Variants in RGS6 observed in about 807,000 individuals in gnomAD.
RGS6 encodes regulator of G protein signaling 6, also known as regulator of G-protein signaling 6.
RGS6 carries 30 observed loss-of-function variants against 78.5 expected under a neutral mutation model. That is an observed-to-expected ratio of 0.38 (90% CI 0.29 to 0.52). The LOEUF is 0.52. Among genes scored for constraint, RGS6 ranks in the 20% least tolerant of loss-of-function variants. The pLI is 0.85. For missense variants in RGS6, 495 were observed against 609.7 expected (o/e 0.81, Z 1.98); for synonymous variants, 206 against 206.0 (o/e 1.00, Z 0.00).
At chr14:72,217,694 C>G (rs980064626) in intron 2 of RGS6, among the ~76,000 whole-genome samples, 14 of 152,164 alleles carry the variant, frequency 9.2e-5, no homozygotes. Flanking sequence ...AGCAACAATA[C>G]TGGTGAGCAT....
intron 2 of RGS6, among the ~76,000 whole-genome samples, chr14:72,122,619 T>A (rs1452777204): frequency 6.6e-6 from 1 of 152,174 alleles, no homozygotes; most frequent in African/African-American, 2.4e-5. Context: ...TCTAGGAATT[T>A]TGGTCCAGGG....
In RGS6 at chr14:72,393,430, C is replaced by A. The variant is rs73293060; in HGVS notation, c.184+41236C>A. The stretch of plus-strand genomic sequence containing the variant: ...AAGGCATCACCAGTTAGTAACGCAT[C>A]CCAGGTGATTCCAAGGTACAACCAG... On this transcript the variant is annotated intron_variant, in intron 3 of 17. Transcript: ENST00000553525. Among the ~76,000 whole-genome samples the A allele has an allele frequency of 3.7e-3, 568 of 152,270 alleles. 3 individuals carry two copies. The highest frequency in any genetic ancestry group is 0.013 in the African/African-American group (547 of 41,526).
At chr14:72,575,226 G>A in the RGS6 span, among the ~76,000 whole-genome samples, 2 of 152,202 alleles carry the variant, frequency 1.3e-5, no homozygotes, top group South Asian at 4.2e-4. Flanking sequence ...TGTGCCATGG[G>A]GTAGCTGGAC....
intron 9 of RGS6, among the ~76,000 whole-genome samples, chr14:72,474,248 C>T (rs2096172865): frequency 6.6e-6 from 1 of 152,158 alleles, no homozygotes; most frequent in African/African-American, 2.4e-5. Context: ...TATTGGTCTT[C>T]TTAAAATTTG....
the RGS6 span, among the ~76,000 whole-genome samples, chr14:72,585,664 AG>A: frequency 9.6e-4 from 146 of 152,350 alleles, 1 homozygote; most frequent in Middle Eastern, 0.01. Flanking sequence ...TCTTCAGCCA[AG>A]GGCAATTCTC....
chr14:72,433,537 A>G (rs2094754922), intron 3 of RGS6, among the ~76,000 whole-genome samples: 1 of 152,180 alleles, frequency 6.6e-6, no homozygotes. Context: ...CCAGAAAGTC[A>G]AGAAAAGCCT....
chr14:71,870,342 G>C, the RGS6 span, among the ~76,000 whole-genome samples: 1 of 152,206 alleles, frequency 6.6e-6, no homozygotes, highest in Non-Finnish European at 1.5e-5. Context: ...TTCAGCCTTA[G>C]TTAGGCTAAT....
chr14:72,101,075 C>T (rs2095518222), intron 2 of RGS6, among the ~76,000 whole-genome samples: 1 of 152,116 alleles, frequency 6.6e-6, no homozygotes, highest in Non-Finnish European at 1.5e-5. Context: ...GGGAGGATCA[C>T]CTGAGCCTGG....
intron 2 of RGS6, among the ~76,000 whole-genome samples, chr14:72,199,951 A>G (rs2041103640): frequency 6.6e-6 from 1 of 152,216 alleles, no homozygotes; most frequent in Admixed American, 6.5e-5. Flanking sequence ...AATCATTTCG[A>G]TAGAGATCCT....
chr14:71,920,479 C>T, the RGS6 span, among the ~76,000 whole-genome samples: 37 of 152,050 alleles, frequency 2.4e-4, no homozygotes, highest in African/African-American at 8.7e-4. Context: ...ATGATGGAGT[C>T]GAGGTCTACT....
chr14:72,400,947 C>G (rs1196913454), intron 3 of RGS6, among the ~76,000 whole-genome samples: 1 of 150,112 alleles, frequency 6.7e-6, no homozygotes, highest in Non-Finnish European at 1.5e-5. Flanking sequence ...AAGCCTTTCT[C>G]CACTGCTTCT....
intron 2 of RGS6, among the ~76,000 whole-genome samples, chr14:72,176,010 C>T (rs2097100648): frequency 6.6e-6 from 1 of 152,168 alleles, no homozygotes; most frequent in South Asian, 2.1e-4. Flanking sequence ...CATCTCAGAG[C>T]TTATTGGAAG....
intron 2 of RGS6, among the ~76,000 whole-genome samples, chr14:72,036,671 G>A (rs2091758616): frequency 1.3e-5 from 2 of 152,082 alleles, no homozygotes; most frequent in Admixed American, 1.3e-4. Context: ...AAATTGGACT[G>A]CTTGTTCTCT....
At chr14:72,304,891 T>TAAAATA (rs386381731) in intron 2 of RGS6, among the ~76,000 whole-genome samples, 1 of 151,680 alleles carries the variant, frequency 6.6e-6, no homozygotes, top group African/African-American at 2.4e-5. Context: ...AAAAATAAAA[T>TAAAATA]AAAAAAATTA....
intron 2 of RGS6, among the ~76,000 whole-genome samples, chr14:72,245,120 C>T (rs570861415): frequency 6.6e-6 from 1 of 152,206 alleles, no homozygotes; most frequent in Admixed American, 6.5e-5. Flanking sequence ...TTCTTTCTAC[C>T]TGTCTTAAGT....
chr14:71,931,201 C>G (rs865921223), upstream of RGS6, among the ~76,000 whole-genome samples: 2 of 152,074 alleles, frequency 1.3e-5, no homozygotes, highest in South Asian at 2.1e-4. Context: ...TGTTACAATT[C>G]TATTTTCCTC....
chr14:72,047,906 T>G (rs927855571), intron 2 of RGS6, among the ~76,000 whole-genome samples: 1 of 147,536 alleles, frequency 6.8e-6, no homozygotes, highest in Admixed American at 6.7e-5. Flanking sequence ...TTGTTTTTTT[T>G]TTTTTTTTTT....
chr14:72,014,079 G>A (rs980391551), intron 2 of RGS6, among the ~76,000 whole-genome samples: 7 of 152,164 alleles, frequency 4.6e-5, no homozygotes, highest in Admixed American at 3.9e-4. Flanking sequence ...ACAAGGATCT[G>A]CAGTAATTTA....
At chr14:72,117,085 C>T (rs12880679) in intron 2 of RGS6, among the ~76,000 whole-genome samples, 75,902 of 151,820 alleles carry the variant, frequency 0.5, 19,343 homozygotes, top group Admixed American at 0.58. Flanking sequence ...CAGGCAGCCC[C>T]TCAGAGATCT....
Sources: gnomAD v4.1 joint callset for allele counts (sites outside exome capture counted in the v4.1 genomes callset) on GRCh38, gnomAD v4.1.1 for gene constraint, MANE v1.5 for transcripts, NCBI Gene and HGNC (gene_info 2026-07-23, HGNC 2026-07-21) for gene names.